The following CRB1 variants were observed in gnomAD, a reference collection of about 807,000 sequenced individuals.
CRB1 encodes the protein protein crumbs homolog 1.
Under a neutral mutation model 120.0 loss-of-function variants are expected in CRB1, and 83 were observed. The ratio of observed to expected loss-of-function variants is 0.69; its 90% CI spans 0.58 to 0.83. The LOEUF is 0.83. Ranked by LOEUF, CRB1 falls within the 40% of genes least tolerant of loss-of-function variation. The pLI is 0.00. For synonymous variants in CRB1, 625 were observed against 612.5 expected (o/e 1.02, Z -0.30); for missense variants, 1,699 against 1,687.6 (o/e 1.01, Z -0.12).
At chr1:197,332,427 C>T (rs1658913633) in intron 2 of CRB1, among the ~76,000 whole-genome samples, 1 of 152,104 alleles carries the variant, frequency 6.6e-6, no homozygotes, top group Non-Finnish European at 1.5e-5. Context: ...AAATCAGCTA[C>T]ATGTTATTAT....
intron 11 of CRB1, among the ~76,000 whole-genome samples, chr1:197,463,267 C>G (rs576503045): frequency 5.2e-4 from 79 of 152,228 alleles, no homozygotes; most frequent in African/African-American, 1.8e-3. Flanking sequence ...CCTCCTGACA[C>G]CTGCTGTGTG....
At chr1:197,283,016 C>G (rs1558027828) in intron 1 of CRB1, among the ~76,000 whole-genome samples, 1 of 151,678 alleles carries the variant, frequency 6.6e-6, no homozygotes, top group Non-Finnish European at 1.5e-5. Context: ...GATGAGCAAT[C>G]AGAGCCAAAG....
intron 1 of CRB1, among the ~76,000 whole-genome samples, chr1:197,288,761 T>C (rs1655986679): frequency 6.6e-6 from 1 of 151,480 alleles, no homozygotes; most frequent in South Asian, 2.1e-4. Flanking sequence ...GACATAGCAA[T>C]GGAAATGATC....
intron 1 of CRB1, among the ~76,000 whole-genome samples, chr1:197,313,038 G>A (rs1415578265): frequency 6.6e-6 from 1 of 152,168 alleles, no homozygotes; most frequent in East Asian, 1.9e-4. Flanking sequence ...CAGTTCTTCA[G>A]GCTTAACAAG....
intron 2 of CRB1, among the ~76,000 whole-genome samples, chr1:197,340,966 T>C (rs1337169): frequency 0.68 from 103,843 of 151,898 alleles, 35,683 homozygotes; most frequent in East Asian, 0.9. Context: ...AGGAACAAGT[T>C]GCGTCTTACA....
chr1:197,420,458 C>CCATT (rs1460058902), intron 5 of CRB1, among the ~76,000 whole-genome samples: 4 of 152,092 alleles, frequency 2.6e-5, no homozygotes, highest in African/African-American at 9.7e-5. Flanking sequence ...ATGGGGCCTT[C>CCATT]CATTCACCTT....
chr1:197,388,497 A>C (rs1170069172), intron 5 of CRB1, among the ~76,000 whole-genome samples: 1 of 152,086 alleles, frequency 6.6e-6, no homozygotes, highest in East Asian at 1.9e-4. Flanking sequence ...GGTCCAATGA[A>C]ATAGAGCCAC....
At chr1:197,353,827 A>C (rs549142725) in intron 4 of CRB1, among the ~76,000 whole-genome samples, 17 of 151,148 alleles carry the variant, frequency 1.1e-4, no homozygotes, top group African/African-American at 2.9e-4. Context: ...AAAAAAAAAA[A>C]AAAAAAAAAA....
intron 2 of CRB1, 133 bp downstream of exon 2, chr1:197,329,136 G>A: frequency 1.2e-6 from 1 of 803,792 alleles, no homozygotes; most frequent in South Asian, 1.5e-5. Flanking sequence ...TCAATCACTA[G>A]ATAGAAACTC....
At chr1:197,264,610 C>CTTTT (rs1238265615), upstream of CRB1, among the ~76,000 whole-genome samples, 2 of 145,828 alleles carry the variant, frequency 1.4e-5, no homozygotes, top group African/African-American at 5.1e-5. Flanking sequence ...ACAGTGCATT[C>CTTTT]TTCTTTTTTT....
chr1:197,352,630 C>G (rs755034693), intron 4 of CRB1, among the ~76,000 whole-genome samples: 1 of 150,330 alleles, frequency 6.7e-6, no homozygotes, highest in Non-Finnish European at 1.5e-5. Context: ...ATCTTTGTTG[C>G]GGGGGGTCAC....
At chr1:197,323,694 A>G (rs1159789184) in intron 1 of CRB1, among the ~76,000 whole-genome samples, 1 of 152,196 alleles carries the variant, frequency 6.6e-6, no homozygotes, top group Non-Finnish European at 1.5e-5. Flanking sequence ...GTCATGTTCT[A>G]AGGATGACAA....
At chr1:197,404,317 C>T (rs2125438455) in intron 5 of CRB1, among the ~76,000 whole-genome samples, 1 of 152,124 alleles carries the variant, frequency 6.6e-6, no homozygotes, top group Admixed American at 6.5e-5. Context: ...CTTCGGACGC[C>T]TGTAGTCCCA....
the CRB1 span, among the ~76,000 whole-genome samples, chr1:197,231,168 A>G: frequency 6.6e-6 from 1 of 152,218 alleles, no homozygotes; most frequent in Non-Finnish European, 1.5e-5. Flanking sequence ...TTTTATAAAC[A>G]GTTACAGGCA....
chr1:197,268,381 A>G lies in CRB1; in HGVS notation c.-32A>G. Reference sequence around the variant, plus strand: ...GCCGGACTGGGACCAGACCACCAGCAACACACCAGAGGATGTTCTCTAAAT... The same window carrying G: ...GCCGGACTGGGACCAGACCACCAGCGACACACCAGAGGATGTTCTCTAAAT... On this transcript the variant is annotated 5_prime_UTR_variant, in exon 1 of 12. Transcript: ENST00000367400. 6.5e-7 allele frequency: 1 copy of G among 1,537,162 alleles called. No homozygotes were observed. Among genetic ancestry groups the G allele is most frequent in the Non-Finnish European group, 9.0e-7 (1 of 1,110,230 alleles).
At chr1:197,369,721 A>T (rs1235452915) in intron 5 of CRB1, among the ~76,000 whole-genome samples, 1 of 152,192 alleles carries the variant, frequency 6.6e-6, no homozygotes, top group Non-Finnish European at 1.5e-5. Flanking sequence ...TTATCCCAGA[A>T]TGCTCTCTAC....
At chr1:197,453,686 C>T (rs986549363) in intron 11 of CRB1, among the ~76,000 whole-genome samples, 6 of 146,754 alleles carry the variant, frequency 4.1e-5, no homozygotes, top group African/African-American at 1.5e-4. Context: ...AGGCAATACT[C>T]CTTCCTCAGC....
intron 6 of CRB1, among the ~76,000 whole-genome samples, chr1:197,424,442 A>C (rs1244109062): frequency 6.6e-6 from 1 of 152,060 alleles, no homozygotes; most frequent in Non-Finnish European, 1.5e-5. Flanking sequence ...CAGGCTAAAC[A>C]TCCTGTTTCT....
intron 5 of CRB1, among the ~76,000 whole-genome samples, chr1:197,417,790 A>C (rs930184386): frequency 6.6e-6 from 1 of 152,232 alleles, no homozygotes; most frequent in African/African-American, 2.4e-5. Flanking sequence ...CACCAAGTTC[A>C]GTCTTCTAGG....
Sources: allele counts gnomAD v4.1 joint callset (sites outside exome capture counted in the v4.1 genomes callset), GRCh38; gene constraint gnomAD v4.1.1; transcripts MANE v1.5; gene names NCBI Gene and HGNC (gene_info 2026-07-23, HGNC 2026-07-21).